The following OTOGL variants were observed in gnomAD, a reference collection of about 807,000 sequenced individuals.
OTOGL encodes otogelin-like protein.
In OTOGL, 285 loss-of-function variants were observed where a neutral mutation model predicts 318.5. The ratio of observed to expected loss-of-function variants is 0.89; its 90% CI spans 0.81 to 0.99. The LOEUF (loss-of-function observed/expected upper bound fraction) is 0.99. Among genes scored for constraint, OTOGL ranks in the 50% least tolerant of loss-of-function variants. The pLI is 0.00. For synonymous variants in OTOGL, 987 were observed against 936.5 expected (o/e 1.05, Z -0.99); for missense variants, 2,899 against 2,845.6 (o/e 1.02, Z -0.43).
chr12:80,347,776 C>T lies in OTOGL; in HGVS notation c.5266-4519C>T, dbSNP rs139305139. Among the ~76,000 whole-genome samples, 595 of 152,228 alleles carry T rather than the reference C, an allele frequency of 3.9e-3. 2 individuals are homozygous for T. The highest frequency in any genetic ancestry group is 5.1e-3 in the Non-Finnish European group (350 of 68,010). On this transcript the variant is annotated intron_variant, in intron 44 of 58. Coordinates refer to ENST00000547103, the MANE Select transcript of OTOGL (RefSeq NM_001378609.3). ...TGTTCCTCTTTCTCCACATCCTCTC[C>T]AGCATCTGTTTCCTGACTTTTTAAT...
At chr12:80,259,079 T>A in intron 18 of OTOGL, among the ~76,000 whole-genome samples, 1 of 151,674 alleles carries the variant, frequency 6.6e-6, no homozygotes, top group South Asian at 2.1e-4. Context: ...TGTATATAAT[T>A]TTTTTTAGCT....
chr12:80,243,985 G>GC (rs1880622918), intron 11 of OTOGL, among the ~76,000 whole-genome samples: 1 of 150,556 alleles, frequency 6.6e-6, no homozygotes, highest in Admixed American at 6.6e-5. Flanking sequence ...CAAACTAGGC[G>GC]CAGAAATCCT....
chr12:80,149,023 T>C (rs1271220332), intron 1 of OTOGL, among the ~76,000 whole-genome samples: 1 of 152,196 alleles, frequency 6.6e-6, no homozygotes, highest in Non-Finnish European at 1.5e-5. Flanking sequence ...CTCAGAGTAA[T>C]TTGATCGTCT....
chr12:80,336,781 C>CT lies in OTOGL; in HGVS notation c.4744-5dup, dbSNP rs11300714. The CT allele has an allele frequency of 0.018, 19,984 of 1,107,664 alleles. 1 individual carries two copies. Among genetic ancestry groups the CT allele is most frequent in the East Asian group, 0.021 (524 of 24,534 alleles). The allele number at this position is 1,107,664 out of a possible 1,614,324, so 68.6% of individuals were successfully genotyped here. A position where few individuals can be genotyped will look rare whatever the true frequency, so the allele number is the denominator to read the frequency against. On this transcript the variant is annotated splice_polypyrimidine_tract_variant and intron_variant, in intron 40 of 58. Coordinates refer to ENST00000547103, the MANE Select transcript of OTOGL (RefSeq NM_001378609.3). ...TCAAATAATGCATTTAAAAGTATTT[C>CT]TTTTTTTTTTTCCAGAATGGAAACT...
intron 1 of OTOGL, among the ~76,000 whole-genome samples, chr12:80,124,910 G>T (rs9669211): frequency 6.6e-6 from 1 of 151,952 alleles, no homozygotes; most frequent in Non-Finnish European, 1.5e-5. Flanking sequence ...CTTTGCTGAA[G>T]TTGCTTATCA....
intron 1 of OTOGL, among the ~76,000 whole-genome samples, chr12:80,107,742 A>G (rs140365288): frequency 6.6e-6 from 1 of 152,284 alleles, no homozygotes; most frequent in Non-Finnish European, 1.5e-5. Flanking sequence ...AATATGATAC[A>G]TATACACCAT....
chr12:80,101,740 C>A (rs1251164166), intron 1 of OTOGL, among the ~76,000 whole-genome samples: 1 of 152,034 alleles, frequency 6.6e-6, no homozygotes, highest in African/African-American at 2.4e-5. Context: ...GCTAAAGCAA[C>A]TTTTCCAAGG....
intron 21 of OTOGL, 87 bp downstream of exon 21, chr12:80,266,703 A>G: frequency 2.3e-6 from 3 of 1,317,836 alleles, no homozygotes; most frequent in Non-Finnish European, 3.1e-6. Flanking sequence ...AAGTTTTTGA[A>G]AAAAATATTT....
intron 57 of OTOGL, among the ~76,000 whole-genome samples, 177 bp from the exon 58 acceptor site, chr12:80,376,946 G>A (rs1365967843): frequency 6.6e-6 from 1 of 151,770 alleles, no homozygotes; most frequent in Non-Finnish European, 1.5e-5. Flanking sequence ...CTATTTAGAA[G>A]GTGAAAATAA....
intron 29 of OTOGL, among the ~76,000 whole-genome samples, chr12:80,309,302 GCACA>G (rs1180646862): frequency 2.0e-5 from 3 of 152,150 alleles, no homozygotes; most frequent in African/African-American, 7.2e-5. Context: ...TGATAGAAGT[GCACA>G]CAAAGTGGGG....
At chr12:80,297,043 C>T (rs1885450360) in intron 27 of OTOGL, 82 bp downstream of exon 27, 3 of 1,263,834 alleles carry the variant, frequency 2.4e-6, no homozygotes, top group Non-Finnish European at 3.1e-6. Context: ...TGGTCTACTC[C>T]TCTCTGTAAA....
chr12:80,249,961 G>T (rs1832697119), intron 11 of OTOGL, among the ~76,000 whole-genome samples: 2 of 152,068 alleles, frequency 1.3e-5, no homozygotes, highest in Non-Finnish European at 2.9e-5. Flanking sequence ...CTTTGACTCG[G>T]AAAGGGAACT....
chr12:80,318,576 G>A lies in OTOGL; in HGVS notation c.3665G>A (p.Ser1222Asn). The A allele has an allele frequency of 7.1e-7, 1 of 1,409,100 alleles. No individual in the cohort carries two copies. Among genetic ancestry groups the A allele is most frequent in the Non-Finnish European group, 9.2e-7 (1 of 1,081,644 alleles). 87.3% of individuals were successfully genotyped at this position (1,409,100 alleles called of 1,614,324 possible). Residue 1222 changes from serine (S) to asparagine (N), a missense_variant, in exon 33 of 59, where the codon AGC (serine) becomes AAC (asparagine). By Grantham distance (46) the Ser-to-Asn change is conservative. Coordinates refer to ENST00000547103, the MANE Select transcript of OTOGL (RefSeq NM_001378609.3). Reference protein sequence around the residue: ...GLGEGPYMLASYGQSGLVLGA... With the variant: ...GLGEGPYMLANYGQSGLVLGA... Reference sequence around the variant, plus strand: ...GGAGAAGGACCATATATGCTGGCAAGCTATGGGCAGAGTGGCCTTGTTCTG... The same window carrying A: ...GGAGAAGGACCATATATGCTGGCAAACTATGGGCAGAGTGGCCTTGTTCTG...
chr12:80,283,981 A>C (rs956311327), intron 26 of OTOGL, among the ~76,000 whole-genome samples: 7 of 151,800 alleles, frequency 4.6e-5, no homozygotes, highest in Non-Finnish European at 1.5e-5. Context: ...TCTAGGTTTT[A>C]ATCCCCCCAC....
chr12:80,136,002 C>A (rs1273991569), intron 1 of OTOGL, among the ~76,000 whole-genome samples: 1 of 152,204 alleles, frequency 6.6e-6, no homozygotes, highest in Non-Finnish European at 1.5e-5. Context: ...AGCTCGCCAA[C>A]CTTCATAATC....
intron 1 of OTOGL, among the ~76,000 whole-genome samples, chr12:80,167,276 T>G (rs1440332714): frequency 6.6e-6 from 1 of 152,096 alleles, no homozygotes; most frequent in Non-Finnish European, 1.5e-5. Context: ...GAGGTGGAGA[T>G]TCTCCAAAGA....
chr12:80,287,272 T>A (rs1415194330), intron 26 of OTOGL, among the ~76,000 whole-genome samples: 2 of 151,804 alleles, frequency 1.3e-5, no homozygotes, highest in Non-Finnish European at 2.9e-5. Flanking sequence ...CTGTTTGTTA[T>A]GAATTCCATT....
chr12:80,189,077 C>A (rs370282360), intron 1 of OTOGL, among the ~76,000 whole-genome samples: 2 of 152,104 alleles, frequency 1.3e-5, no homozygotes, highest in East Asian at 3.9e-4. Context: ...AAAGTCTACT[C>A]CACCATTTTT....
Position 80,186,251 on chromosome 12 carries a change from G to C in OTOGL, c.-19-23162G>C, listed in dbSNP as rs142612654. Among the ~76,000 whole-genome samples the C allele has an allele frequency of 1.8e-3, 276 of 152,270 alleles. 2 individuals carry two copies. Among genetic ancestry groups the C allele is most frequent in the African/African-American group, 6.5e-3 (270 of 41,562 alleles). On this transcript the variant is annotated intron_variant, in intron 1 of 58. Transcript: ENST00000547103. ...AAGGCTCTACCATATGCCCAGGTCT[G>C]AGATGTGAAACTCTGGGTTTATCTT...
Sources: allele counts gnomAD v4.1 joint callset (sites outside exome capture counted in the v4.1 genomes callset), GRCh38; gene constraint gnomAD v4.1.1; transcripts MANE v1.5; gene names NCBI Gene and HGNC (gene_info 2026-07-23, HGNC 2026-07-21).